Variants in HYAL4 observed in about 807,000 individuals in gnomAD.
The protein encoded by HYAL4 is hyaluronidase 4, also known as hyaluronidase-4.
In HYAL4, 37 loss-of-function variants were observed where a neutral mutation model predicts 35.2. That is an observed-to-expected ratio of 1.05 (90% CI 0.81 to 1.38). The LOEUF is 1.38. HYAL4 is among the 40% of genes most tolerant of loss of function. The probability of loss-of-function intolerance (pLI) is 0.00; values close to 1 mark genes in which losing one functional copy is unlikely to be tolerated. For missense variants in HYAL4, 572 were observed against 572.4 expected, an observed-to-expected ratio of 1.00 and a Z score of 0.01; for synonymous variants, 198 against 203.2, an observed-to-expected ratio of 0.97 and a Z score of 0.22.
the HYAL4 span, among the ~76,000 whole-genome samples, chr7:123,809,880 C>T: frequency 2.4e-3 from 360 of 152,224 alleles, 2 homozygotes; most frequent in African/African-American, 8.1e-3. Context: ...ATTGAACAGC[C>T]CCAGTTGATT....
the HYAL4 span, among the ~76,000 whole-genome samples, chr7:123,818,856 T>A: frequency 6.6e-6 from 1 of 152,216 alleles, no homozygotes. Context: ...TACAACATAA[T>A]GTTTTGAGGT....
the HYAL4 span, among the ~76,000 whole-genome samples, chr7:123,792,149 G>A: frequency 7.6e-6 from 1 of 131,730 alleles, no homozygotes; most frequent in Non-Finnish European, 1.7e-5. Flanking sequence ...GAAGAAAATA[G>A]GGGGAAAAAA....
intron 2 of HYAL4, among the ~76,000 whole-genome samples, chr7:123,858,264 A>G (rs1299276168): frequency 1.3e-5 from 2 of 152,292 alleles, no homozygotes; most frequent in Admixed American, 6.5e-5. Flanking sequence ...ATATACAGAC[A>G]TAATCCAACC....
At chr7:123,859,938 A>G (rs190845559) in intron 2 of HYAL4, among the ~76,000 whole-genome samples, 132 of 152,180 alleles carry the variant, frequency 8.7e-4, no homozygotes, top group Non-Finnish European at 1.2e-3. Context: ...ATCCCTCCTG[A>G]TATGGTTTGG....
the HYAL4 span, among the ~76,000 whole-genome samples, chr7:123,812,632 A>C: frequency 1.1e-4 from 17 of 152,312 alleles, no homozygotes; most frequent in African/African-American, 4.1e-4. Flanking sequence ...GGCTCTAAAA[A>C]ATTTATTGTG....
chr7:123,797,719 A>G, the HYAL4 span, among the ~76,000 whole-genome samples: 7 of 152,210 alleles, frequency 4.6e-5, no homozygotes, highest in Non-Finnish European at 1.0e-4. Context: ...TTTGAAGATA[A>G]TAGTCTCAGG....
chr7:123,805,810 C>A, the HYAL4 span, among the ~76,000 whole-genome samples: 1 of 151,886 alleles, frequency 6.6e-6, no homozygotes, highest in African/African-American at 2.4e-5. Context: ...AATCAGCAGG[C>A]TTTTTTGGTA....
chr7:123,872,466 A>G (rs1184073511), intron 3 of HYAL4, among the ~76,000 whole-genome samples: 2 of 152,220 alleles, frequency 1.3e-5, no homozygotes. Flanking sequence ...CGTTGCTTAC[A>G]TGCACTTTGA....
chr7:123,798,815 T>A, the HYAL4 span, among the ~76,000 whole-genome samples: 1 of 152,154 alleles, frequency 6.6e-6, no homozygotes, highest in African/African-American at 2.4e-5. Context: ...ATATTTAGGA[T>A]GAAGCAGCTA....
At chr7:123,767,241 T>G in the HYAL4 span, among the ~76,000 whole-genome samples, 1 of 152,202 alleles carries the variant, frequency 6.6e-6, no homozygotes, top group Non-Finnish European at 1.5e-5. Flanking sequence ...TCTCATTGCC[T>G]CAAAATATCT....
chr7:123,874,619 C>T (rs976120567), intron 3 of HYAL4, 142 bp from the exon 4 acceptor site: 3 of 563,910 alleles, frequency 5.3e-6, no homozygotes, highest in Non-Finnish European at 6.3e-6. Flanking sequence ...GTTGACCAGG[C>T]TGGTCTCAAA....
intron 2 of HYAL4, among the ~76,000 whole-genome samples, chr7:123,864,799 A>C (rs371135886): frequency 3.3e-5 from 5 of 151,422 alleles, no homozygotes; most frequent in African/African-American, 1.2e-4. Context: ...ACGTGAGGGG[A>C]TCTCCTCCCA....
chr7:123,799,866 A>G, the HYAL4 span, among the ~76,000 whole-genome samples: 1 of 151,830 alleles, frequency 6.6e-6, no homozygotes, highest in African/African-American at 2.4e-5. Flanking sequence ...TATTAACTAA[A>G]AATAGAAGTC....
At chr7:123,867,235 A>G (rs1806713465) in intron 2 of HYAL4, among the ~76,000 whole-genome samples, 1 of 152,196 alleles carries the variant, frequency 6.6e-6, no homozygotes, top group African/African-American at 2.4e-5. Flanking sequence ...GCTGCAGCCA[A>G]GGAGAATAAA....
chr7:123,797,618 T>TAA, the HYAL4 span, among the ~76,000 whole-genome samples: 345 of 152,342 alleles, frequency 2.3e-3, 2 homozygotes, highest in African/African-American at 7.6e-3. Context: ...CCTCTGCTGA[T>TAA]AAGTACTAAG....
chr7:123,872,607 G>A lies in HYAL4; in HGVS notation c.955-2154G>A, dbSNP rs187263851. Among the ~76,000 whole-genome samples, 227 of 152,334 alleles carry A rather than the reference G, an allele frequency of 1.5e-3. 1 individual carries two copies. The highest frequency in any genetic ancestry group is 5.4e-3 in the African/African-American group (223 of 41,584). ...AGCACCCTGTGCCACACTGGGACCT[G>A]GGAGGCTCATTTTCAGTACATCTAC... is the stretch of plus-strand genomic sequence containing the variant. On this transcript the variant is annotated intron_variant, in intron 3 of 4. Coordinates refer to ENST00000223026, the MANE Select transcript of HYAL4 (RefSeq NM_012269.3).
chr7:123,833,191 C>A (rs1012301875), intron 1 of HYAL4, among the ~76,000 whole-genome samples: 2 of 152,184 alleles, frequency 1.3e-5, no homozygotes, highest in African/African-American at 4.8e-5. Context: ...AGGTTACATT[C>A]CCACCAGCAG....
chr7:123,834,615 T>C (rs921424740), intron 1 of HYAL4, among the ~76,000 whole-genome samples: 2 of 152,166 alleles, frequency 1.3e-5, no homozygotes, highest in African/African-American at 4.8e-5. Flanking sequence ...TCCAGTACTA[T>C]GTTGAAGAGA....
At chr7:123,841,738 A>G (rs564764522), upstream of HYAL4, among the ~76,000 whole-genome samples, 1 of 152,146 alleles carries the variant, frequency 6.6e-6, no homozygotes, top group Admixed American at 6.5e-5. Context: ...GTATATGTCC[A>G]GGAATTTATC....
Sources: allele counts gnomAD v4.1 joint callset (sites outside exome capture counted in the v4.1 genomes callset), GRCh38; gene constraint gnomAD v4.1.1; transcripts MANE v1.5; gene names NCBI Gene and HGNC (gene_info 2026-07-23, HGNC 2026-07-21).